Variants in RNU12 observed in about 807,000 individuals in gnomAD.
RNU12 encodes the protein RNA, U12 small nuclear 1.
rs148484665 is a variant in RNU12, at chr22:42,615,296, C to T, written n.53C>T. On this transcript the variant is annotated non_coding_transcript_exon_variant, in exon 1 of 1. Transcript: ENST00000362512. ...TAACGATTCGGGGTGACGCCCGAAT[C>T]CTCACTGCTAATGTGAGACGAATTT... 6.0e-3 allele frequency: 1,222 copies of T among 205,260 alleles called. 7 individuals carry two copies. Among genetic ancestry groups the T allele is most frequent in the East Asian group, 0.013 (74 of 5,646 alleles). The allele number at this position is 205,260 out of a possible 1,614,324, so 12.7% of individuals were successfully genotyped here.
exon 1 of RNU12, chr22:42,615,275 G>T (rs749602498): frequency 4.9e-6 from 1 of 204,146 alleles, no homozygotes; most frequent in African/African-American, 2.4e-5. Flanking sequence ...GGAAAATAAC[G>T]ATTCGGGGTG....
At position 42,615,304 on chromosome 22, in the gene RNU12, C is replaced by T. The variant is rs543383963; in HGVS notation, n.61C>T. On this transcript the variant is annotated non_coding_transcript_exon_variant, in exon 1 of 1. Transcript: ENST00000362512. ...CGGGGTGACGCCCGAATCCTCACTG[C>T]TAATGTGAGACGAATTTTTGAGCGG... 29 of 186,528 alleles carry T rather than the reference C, an allele frequency of 1.6e-4. 1 individual carries two copies. The highest frequency in any genetic ancestry group is 3.4e-4 in the African/African-American group (14 of 41,748). The allele number at this position is 186,528 out of a possible 1,614,324, so 11.6% of individuals were successfully genotyped here.
Position 42,615,285 on chromosome 22 carries a change from G to A in RNU12, n.42G>A, listed in dbSNP as rs140795637. 2.5e-3 allele frequency: 509 copies of A among 206,550 alleles called. 1 individual carries two copies. Among genetic ancestry groups the A allele is most frequent in the Non-Finnish European group, 3.3e-3 (325 of 99,782 alleles). 12.8% of individuals were successfully genotyped at this position (206,550 alleles called of 1,614,324 possible). A position where few individuals can be genotyped will look rare whatever the true frequency, so the allele number is the denominator to read the frequency against. ...AGTAAGGAAAATAACGATTCGGGGT[G>A]ACGCCCGAATCCTCACTGCTAATGT... On this transcript the variant is annotated non_coding_transcript_exon_variant, in exon 1 of 1. Coordinates refer to ENST00000362512, the Ensembl canonical transcript of RNU12.
exon 1 of RNU12, chr22:42,615,310 T>C (rs530410567): frequency 1.7e-5 from 3 of 179,970 alleles, no homozygotes; most frequent in East Asian, 1.8e-4. Flanking sequence ...ACTGCTAATG[T>C]GAGACGAATT....
exon 1 of RNU12, chr22:42,615,312 A>C (rs548647221): frequency 6.7e-5 from 12 of 178,708 alleles, no homozygotes; most frequent in South Asian, 6.5e-4. Flanking sequence ...TGCTAATGTG[A>C]GACGAATTTT....
At chr22:42,615,371 G>T (rs376006083) in exon 1 of RNU12, 82 of 157,106 alleles carry the variant, frequency 5.2e-4, no homozygotes, top group South Asian at 1.2e-3. Flanking sequence ...TTTGCGGGAT[G>T]CCTGGGAGTT....
exon 1 of RNU12, chr22:42,615,318 A>T (rs552666394): frequency 5.7e-6 from 1 of 174,126 alleles, no homozygotes; most frequent in Non-Finnish European, 1.2e-5. Context: ...TGTGAGACGA[A>T]TTTTTGAGCG....
exon 1 of RNU12, chr22:42,615,339 G>T (rs563376636): frequency 6.1e-6 from 1 of 163,044 alleles, no homozygotes; most frequent in Non-Finnish European, 1.4e-5. Context: ...GGTAAAGGTC[G>T]CCCTCAAGGT....
chr22:42,615,293 A>C (rs144543438), exon 1 of RNU12: 4 of 205,478 alleles, frequency 1.9e-5, no homozygotes, highest in African/African-American at 7.2e-5. Flanking sequence ...GTGACGCCCG[A>C]ATCCTCACTG....
exon 1 of RNU12, chr22:42,615,292 G>C (rs574655982): frequency 1.9e-5 from 4 of 206,214 alleles, no homozygotes; most frequent in East Asian, 1.8e-4. Context: ...GGTGACGCCC[G>C]AATCCTCACT....
chr22:42,615,327 C>T lies in RNU12; in HGVS notation n.84C>T, dbSNP rs562254327. The stretch of plus-strand genomic sequence containing the variant: ...TGCTAATGTGAGACGAATTTTTGAG[C>T]GGGTAAAGGTCGCCCTCAAGGTGAC... On this transcript the variant is annotated non_coding_transcript_exon_variant, in exon 1 of 1. Transcript: ENST00000362512. 5.8e-5 allele frequency: 10 copies of T among 172,464 alleles called. No homozygotes were observed. Among genetic ancestry groups the T allele is most frequent in the African/African-American group, 7.2e-5 (3 of 41,532 alleles). 10.7% of individuals were successfully genotyped at this position (172,464 alleles called of 1,614,324 possible). A position where few individuals can be genotyped will look rare whatever the true frequency, so the allele number is the denominator to read the frequency against.
exon 1 of RNU12, chr22:42,615,252 A>G (rs1434978095): frequency 4.4e-6 from 1 of 226,584 alleles, no homozygotes; most frequent in South Asian, 4.6e-5. Flanking sequence ...TTATGCCTTA[A>G]ACTTATGAGT....
At chr22:42,615,276 A>G (rs866130732) in exon 1 of RNU12, 11 of 203,192 alleles carry the variant, frequency 5.4e-5, no homozygotes, top group South Asian at 1.7e-4. Context: ...GAAAATAACG[A>G]TTCGGGGTGA....
At chr22:42,615,311 G>A (rs1057502019) in exon 1 of RNU12, 15 of 179,518 alleles carry the variant, frequency 8.4e-5, no homozygotes, top group South Asian at 2.4e-4. Context: ...CTGCTAATGT[G>A]AGACGAATTT....
In RNU12 at chr22:42,615,385, A is replaced by G. The variant is rs557518992; in HGVS notation, n.142A>G. The G allele has an allele frequency of 5.7e-5, 9 of 156,850 alleles. No homozygotes were observed. The South Asian group carries it at 7.5e-4, about 13-fold the overall frequency. 9.7% of individuals were successfully genotyped at this position (156,850 alleles called of 1,614,324 possible). A position where few individuals can be genotyped will look rare whatever the true frequency, so the allele number is the denominator to read the frequency against. On this transcript the variant is annotated non_coding_transcript_exon_variant, in exon 1 of 1. Coordinates refer to ENST00000362512, the Ensembl canonical transcript of RNU12. ...CTTTGCGGGATGCCTGGGAGTTGCG[A>G]TCTGCCCGACCTTATTCACGCCTAA...
exon 1 of RNU12, chr22:42,615,321 T>TTTGAGCGGGTAAAGGTCGCCCTCAAGGTG (rs1391440203): frequency 1.2e-5 from 2 of 173,810 alleles, no homozygotes. Flanking sequence ...GAGACGAATT[T>TTTGAGCGGGTAAAGGTCGCCCTCAAGGTG]TTGAGCGGGT....
In RNU12 at chr22:42,615,315, C is replaced by T. The variant is rs180887630; in HGVS notation, n.72C>T. On this transcript the variant is annotated non_coding_transcript_exon_variant, in exon 1 of 1. Transcript: ENST00000362512. ...CCGAATCCTCACTGCTAATGTGAGACGAATTTTTGAGCGGGTAAAGGTCGC... is the reference window on the plus strand; with the variant it reads ...CCGAATCCTCACTGCTAATGTGAGATGAATTTTTGAGCGGGTAAAGGTCGC... 2.9e-3 allele frequency: 500 copies of T among 171,316 alleles called. 1 individual carries two copies. Among genetic ancestry groups the T allele is most frequent in the Admixed American group, 6.5e-3 (104 of 15,908 alleles). The allele number at this position is 171,316 out of a possible 1,614,324, so 10.6% of individuals were successfully genotyped here. A position where few individuals can be genotyped will look rare whatever the true frequency, so the allele number is the denominator to read the frequency against.
exon 1 of RNU12, chr22:42,615,352 C>G (rs189335696): frequency 8.2e-5 from 13 of 158,504 alleles, no homozygotes; most frequent in South Asian, 5.6e-4. Flanking sequence ...CTCAAGGTGA[C>G]CCGCCTACTT....
exon 1 of RNU12, chr22:42,615,324 G>A (rs1569310009): frequency 5.7e-6 from 1 of 173,974 alleles, no homozygotes; most frequent in South Asian, 9.0e-5. Flanking sequence ...ACGAATTTTT[G>A]AGCGGGTAAA....
Sources: allele counts gnomAD v4.1 joint callset, GRCh38; gene constraint gnomAD v4.1.1; transcripts MANE v1.5; gene names NCBI Gene and HGNC (gene_info 2026-07-23, HGNC 2026-07-21).